Variants in ELMO1 observed in about 807,000 individuals in gnomAD.
ELMO1 encodes engulfment and cell motility protein 1.
A neutral mutation model predicts 98.9 loss-of-function variants in ELMO1; 26 were observed. The ratio of observed to expected loss-of-function variants is 0.26; its 90% CI spans 0.19 to 0.36. The LOEUF is 0.36. ELMO1 is among the 10% of genes least tolerant of loss of function. The pLI is 1.00. For synonymous variants in ELMO1, 346 were observed against 346.0 expected (o/e 1.00, Z 0.00); for missense variants, 627 against 935.2 (o/e 0.67, Z 4.30).
chr7:37,342,491 G>C lies in ELMO1; in HGVS notation c.78+122C>G. The C allele has an allele frequency of 1.0e-6, 1 of 1,003,256 alleles. No homozygotes were observed. The highest frequency in any genetic ancestry group is 1.6e-6 in the Non-Finnish European group (1 of 635,432). 62.1% of individuals were successfully genotyped at this position (1,003,256 alleles called of 1,614,324 possible). A position where few individuals can be genotyped will look rare whatever the true frequency, so the allele number is the denominator to read the frequency against. On this transcript the variant is annotated intron_variant, in intron 2 of 21. Coordinates refer to ENST00000310758, the MANE Select transcript of ELMO1 (RefSeq NM_014800.11). The surrounding 1 kb of genome is among the most constrained non-coding windows in gnomAD (Gnocchi z 4.3). The stretch of plus-strand genomic sequence containing the variant: ...AATCAAGCACATTGCAACTATTATT[G>C]CACAGATTTTTCAACACAGCTAGAG...
chr7:37,036,523 C>A (rs190496007), intron 15 of ELMO1, among the ~76,000 whole-genome samples: 6 of 152,290 alleles, frequency 3.9e-5, no homozygotes, highest in African/African-American at 1.4e-4. Flanking sequence ...GTAAGTGCCA[C>A]CACATCATCT....
intron 4 of ELMO1, among the ~76,000 whole-genome samples, chr7:37,305,079 T>C (rs1798542731): frequency 6.6e-6 from 1 of 152,160 alleles, no homozygotes; most frequent in South Asian, 2.1e-4. Context: ...AAGCCAACAA[T>C]TCTCTCTACT....
At chr7:36,903,975 A>G (rs1478804585) in intron 16 of ELMO1, among the ~76,000 whole-genome samples, 6 of 152,218 alleles carry the variant, frequency 3.9e-5, no homozygotes, top group Admixed American at 3.9e-4. Context: ...ACCACCTGCT[A>G]CTTGAGGCCA....
intron 15 of ELMO1, among the ~76,000 whole-genome samples, chr7:37,050,087 T>A (rs1019817412): frequency 3.3e-5 from 5 of 151,980 alleles, no homozygotes; most frequent in Admixed American, 2.0e-4. Flanking sequence ...GCCTTTTTTG[T>A]TTGTTTTCTG....
At chr7:36,983,534 C>G (rs989618119) in intron 16 of ELMO1, among the ~76,000 whole-genome samples, 3 of 152,192 alleles carry the variant, frequency 2.0e-5, no homozygotes, top group Non-Finnish European at 4.4e-5. Context: ...AAACACTTGT[C>G]AGTTCCTAGC....
At chr7:37,265,514 C>T (rs1273140207) in intron 5 of ELMO1, among the ~76,000 whole-genome samples, 1 of 151,984 alleles carries the variant, frequency 6.6e-6, no homozygotes, top group Non-Finnish European at 1.5e-5. Context: ...GAAAGTGTTG[C>T]CTCCGTTCTA....
intron 1 of ELMO1, among the ~76,000 whole-genome samples, chr7:37,390,307 G>A (rs548015726): frequency 2.6e-5 from 4 of 152,262 alleles, no homozygotes; most frequent in South Asian, 4.1e-4. Flanking sequence ...GAGTATGAAC[G>A]GTTTCACATG....
At position 37,094,180 on chromosome 7, in the gene ELMO1, A is replaced by T. The variant is rs1468195564; in HGVS notation, c.1300+2439T>A. Among the ~76,000 whole-genome samples the T allele has an allele frequency of 3.3e-5, 5 of 152,188 alleles. No homozygotes were observed. In the East Asian group the frequency reaches 9.6e-4, roughly 29 times the overall value. ...TCTTAGGTGAAGAGAGACTGCTTTGACAATGCCAGGCCTCAGCTGTCCAAG... is the reference window on the plus strand; with the variant it reads ...TCTTAGGTGAAGAGAGACTGCTTTGTCAATGCCAGGCCTCAGCTGTCCAAG... On this transcript the variant is annotated intron_variant, in intron 15 of 21. Transcript: ENST00000310758.
intron 1 of ELMO1, among the ~76,000 whole-genome samples, chr7:37,391,733 G>T (rs1283346559): frequency 6.6e-6 from 1 of 152,176 alleles, no homozygotes; most frequent in African/African-American, 2.4e-5. Flanking sequence ...AACAGCCTCT[G>T]CTACTCAAGA....
intron 16 of ELMO1, among the ~76,000 whole-genome samples, chr7:36,941,769 A>AT (rs542677613): frequency 2.3e-4 from 35 of 152,346 alleles, no homozygotes; most frequent in Non-Finnish European, 5.0e-4. Flanking sequence ...CTTTCAAAGG[A>AT]TTGAACTCAT....
chr7:37,380,718 A>G (rs371897954), intron 1 of ELMO1, among the ~76,000 whole-genome samples: 1 of 152,380 alleles, frequency 6.6e-6, no homozygotes, highest in African/African-American at 2.4e-5. Context: ...ATCGTTGTCA[A>G]CATATCAATG....
chr7:37,330,413 T>G (rs1800040445), intron 2 of ELMO1, among the ~76,000 whole-genome samples: 3 of 152,204 alleles, frequency 2.0e-5, no homozygotes, highest in Admixed American at 2.0e-4. Context: ...GTTTTATTGT[T>G]TTATCTTTCT....
chr7:36,886,919 C>T (rs1805056333), intron 18 of ELMO1, among the ~76,000 whole-genome samples: 1 of 152,234 alleles, frequency 6.6e-6, no homozygotes, highest in African/African-American at 2.4e-5. Context: ...TATAAAATAA[C>T]TCTGTCCTAG....
chr7:36,912,813 T>G (rs78289405), intron 16 of ELMO1, among the ~76,000 whole-genome samples: 1 of 152,352 alleles, frequency 6.6e-6, no homozygotes, highest in African/African-American at 2.4e-5. Flanking sequence ...GCCTCAAGCA[T>G]AGTTACGAAT....
intron 4 of ELMO1, among the ~76,000 whole-genome samples, chr7:37,288,151 G>A (rs1441133566): frequency 1.3e-5 from 2 of 151,770 alleles, no homozygotes; most frequent in Non-Finnish European, 2.9e-5. Context: ...GTAGAGACAG[G>A]GTTTCACCAT....
chr7:37,361,964 A>C (rs1311822659), intron 1 of ELMO1, among the ~76,000 whole-genome samples: 2 of 152,178 alleles, frequency 1.3e-5, no homozygotes, highest in Non-Finnish European at 2.9e-5. Flanking sequence ...TCACACACAC[A>C]AAAAGAAAGC....
At chr7:37,021,743 G>C (rs1382317615) in intron 15 of ELMO1, among the ~76,000 whole-genome samples, 4 of 151,914 alleles carry the variant, frequency 2.6e-5, no homozygotes, top group South Asian at 2.1e-4. Context: ...ATTAAATGTA[G>C]AGTGATTCAT....
intron 1 of ELMO1, among the ~76,000 whole-genome samples, chr7:37,427,375 G>T (rs1389509883): frequency 6.6e-6 from 1 of 152,204 alleles, no homozygotes; most frequent in Non-Finnish European, 1.5e-5. Context: ...ACTTGCTTTA[G>T]AACTCTTGCA....
intron 6 of ELMO1, 44 bp downstream of exon 6, chr7:37,259,137 A>G: frequency 6.4e-7 from 1 of 1,564,320 alleles, no homozygotes; most frequent in Non-Finnish European, 8.7e-7. Context: ...CAAAACGCGG[A>G]GACACGCAGG....
Sources: allele counts gnomAD v4.1 joint callset (sites outside exome capture counted in the v4.1 genomes callset), GRCh38; gene constraint gnomAD v4.1.1; non-coding constraint Gnocchi (gnomAD v3.1); transcripts MANE v1.5; gene names NCBI Gene and HGNC (gene_info 2026-07-23, HGNC 2026-07-21).